Variants in USH2A observed in about 807,000 individuals in gnomAD.
USH2A encodes Usher syndrome 2A (autosomal recessive, mild).
In USH2A, 443 loss-of-function variants were observed where a neutral mutation model predicts 538.9. The observed-to-expected ratio is 0.82, with a 90% CI of 0.76 to 0.89. USH2A has a LOEUF of 0.89. Among genes scored for constraint, USH2A ranks in the 40% least tolerant of loss-of-function variants. The probability of loss-of-function intolerance (pLI) is 0.00; values close to 1 mark genes in which losing one functional copy is unlikely to be tolerated. For synonymous variants in USH2A, 2,413 were observed against 2,273.5 expected (o/e 1.06, Z -1.75); for missense variants, 6,633 against 6,324.8 (o/e 1.05, Z -1.65).
intron 46 of USH2A, 51 bp downstream of exon 46, chr1:215,844,243 G>A: frequency 1.3e-6 from 2 of 1,575,282 alleles, no homozygotes; most frequent in Non-Finnish European, 1.7e-6. Flanking sequence ...AGCCTGGCAT[G>A]TTTTATTTAA....
intron 40 of USH2A, among the ~76,000 whole-genome samples, chr1:215,892,949 A>T (rs951061014): frequency 2.0e-5 from 3 of 152,162 alleles, no homozygotes; most frequent in Non-Finnish European, 4.4e-5. Flanking sequence ...TTGTTTAGAA[A>T]GAATGTTTCA....
intron 32 of USH2A, among the ~76,000 whole-genome samples, chr1:216,001,256 T>C (rs1464887067): frequency 1.3e-5 from 2 of 152,158 alleles, no homozygotes; most frequent in African/African-American, 2.4e-5. Flanking sequence ...GCATCCTTAG[T>C]ATGTAGCACA....
chr1:216,252,913 C>G (rs2036191534), intron 11 of USH2A, among the ~76,000 whole-genome samples: 2 of 152,140 alleles, frequency 1.3e-5, no homozygotes, highest in Non-Finnish European at 1.5e-5. Context: ...TGTAACACTT[C>G]AAGTACATCA....
At chr1:216,071,396 T>C (rs1039520047) in intron 29 of USH2A, among the ~76,000 whole-genome samples, 6 of 151,996 alleles carry the variant, frequency 3.9e-5, no homozygotes, top group African/African-American at 1.5e-4. Context: ...AAAGGGACAA[T>C]GGGAGTGACG....
At chr1:215,727,933 C>A (rs968921448) in intron 61 of USH2A, 97 bp downstream of exon 61, 82 of 1,372,540 alleles carry the variant, frequency 6.0e-5, no homozygotes, top group Admixed American at 1.7e-5. Flanking sequence ...TATATTTAAG[C>A]CCTAAGTGAA....
intron 49 of USH2A, among the ~76,000 whole-genome samples, chr1:215,811,061 A>C (rs1277011530): frequency 1.3e-5 from 2 of 152,224 alleles, no homozygotes; most frequent in African/African-American, 4.8e-5. Flanking sequence ...AAATCCTGAC[A>C]CTGGAAAATT....
At chr1:215,705,879 A>G (rs1315162535) in intron 61 of USH2A, among the ~76,000 whole-genome samples, 2 of 152,356 alleles carry the variant, frequency 1.3e-5, no homozygotes, top group South Asian at 2.1e-4. Context: ...GACACATCTG[A>G]CTACTATATT....
intron 38 of USH2A, among the ~76,000 whole-genome samples, chr1:215,921,941 A>G (rs1327321824): frequency 1.3e-5 from 2 of 152,072 alleles, no homozygotes; most frequent in African/African-American, 4.8e-5. Context: ...TTAGCAAATA[A>G]AAGGTTACAT....
chr1:216,132,189 T>A (rs1488435668), intron 21 of USH2A, among the ~76,000 whole-genome samples: 1 of 152,100 alleles, frequency 6.6e-6, no homozygotes, highest in Non-Finnish European at 1.5e-5. Context: ...TACTTGTCTT[T>A]CTAATCTCTT....
chr1:216,270,108 G>A (rs1317363919), intron 11 of USH2A, among the ~76,000 whole-genome samples: 2 of 151,970 alleles, frequency 1.3e-5, no homozygotes, highest in Admixed American at 6.6e-5. Flanking sequence ...TATATTTTAG[G>A]TAATTTGAAG....
At chr1:215,692,010 C>A (rs533735593) in intron 61 of USH2A, among the ~76,000 whole-genome samples, 2 of 151,990 alleles carry the variant, frequency 1.3e-5, no homozygotes, top group African/African-American at 4.8e-5. Flanking sequence ...GAAGCTGAGA[C>A]CAGGACAATA....
At chr1:215,981,747 G>A (rs1290844281) in intron 35 of USH2A, among the ~76,000 whole-genome samples, 1 of 152,118 alleles carries the variant, frequency 6.6e-6, no homozygotes, top group Admixed American at 6.6e-5. Flanking sequence ...TATAATTAAT[G>A]GTTAGCTGGC....
At chr1:215,756,721 C>T (rs1285179775) in intron 58 of USH2A, among the ~76,000 whole-genome samples, 6 of 152,048 alleles carry the variant, frequency 3.9e-5, no homozygotes, top group East Asian at 1.9e-4. Flanking sequence ...GTCAGGAGTT[C>T]GAGACGAGCC....
chr1:215,638,222 C>T (rs1408073868), intron 69 of USH2A, among the ~76,000 whole-genome samples: 1 of 152,162 alleles, frequency 6.6e-6, no homozygotes, highest in East Asian at 1.9e-4. Flanking sequence ...TTTATGCACG[C>T]GAAGTCATAC....
chr1:216,051,124 A>G (rs1040599574), intron 30 of USH2A, among the ~76,000 whole-genome samples: 1 of 151,812 alleles, frequency 6.6e-6, no homozygotes, highest in African/African-American at 2.4e-5. Flanking sequence ...GGTTGTTGTC[A>G]AGCTTCTTTC....
chr1:216,284,031 T>G (rs2036835097), intron 11 of USH2A, among the ~76,000 whole-genome samples: 1 of 152,152 alleles, frequency 6.6e-6, no homozygotes, highest in East Asian at 1.9e-4. Context: ...TAATATTAAA[T>G]TCCTAATGAT....
intron 21 of USH2A, among the ~76,000 whole-genome samples, chr1:216,153,843 A>C (rs1256945587): frequency 1.3e-5 from 2 of 152,234 alleles, no homozygotes; most frequent in Non-Finnish European, 2.9e-5. Context: ...CATCAGATGT[A>C]GGCTGCTGCT....
intron 40 of USH2A, 70 bp downstream of exon 40, chr1:215,900,005 G>GA: frequency 1.9e-6 from 3 of 1,608,158 alleles, no homozygotes; most frequent in Admixed American, 1.7e-5. Context: ...CTTTGCTTTG[G>GA]AAAAAATTGA....
chr1:215,881,459 G>A (rs1053028743), intron 41 of USH2A, among the ~76,000 whole-genome samples: 1 of 152,136 alleles, frequency 6.6e-6, no homozygotes, highest in African/African-American at 2.4e-5. Flanking sequence ...GAATTTTAAG[G>A]AGCCAGTTAA....
Sources: allele counts gnomAD v4.1 joint callset (sites outside exome capture counted in the v4.1 genomes callset), GRCh38; gene constraint gnomAD v4.1.1; transcripts MANE v1.5; gene names NCBI Gene and HGNC (gene_info 2026-07-23, HGNC 2026-07-21).